SAMMSON: variants seen among roughly 807,000 people sequenced by gnomAD.
The protein encoded by SAMMSON is survival associated mitochondrial melanoma specific oncogenic non-coding RNA, also known as long intergenic non-protein coding RNA 1212.
chr3:70,166,636 G>A (rs985461224), intron 4 of SAMMSON, among the ~76,000 whole-genome samples: 1 of 151,910 alleles, frequency 6.6e-6, no homozygotes, highest in African/African-American at 2.4e-5. Context: ...ATTTAAAGAA[G>A]AGCAGAATTA....
chr3:70,050,810 C>T (rs544085889), intron 3 of SAMMSON, among the ~76,000 whole-genome samples: 1 of 151,960 alleles, frequency 6.6e-6, no homozygotes, highest in African/African-American at 2.4e-5. Flanking sequence ...GTCATGCTCA[C>T]CAGGCACAGC....
chr3:70,079,132 A>G (rs1296136192), intron 4 of SAMMSON, among the ~76,000 whole-genome samples: 2 of 152,294 alleles, frequency 1.3e-5, no homozygotes, highest in Non-Finnish European at 2.9e-5. Context: ...TTCATGCTCT[A>G]TATGCTACTG....
At chr3:70,360,904 A>G (rs939698106) in intron 9 of SAMMSON, among the ~76,000 whole-genome samples, 8 of 152,196 alleles carry the variant, frequency 5.3e-5, no homozygotes, top group African/African-American at 1.4e-4. Flanking sequence ...AAATATTAGC[A>G]GAGCATACAT....
At chr3:70,161,174 C>T (rs544065494) in intron 4 of SAMMSON, among the ~76,000 whole-genome samples, 63 of 152,046 alleles carry the variant, frequency 4.1e-4, no homozygotes, top group Middle Eastern at 3.4e-3. Flanking sequence ...ATTTCTTCTT[C>T]CTATCTAATT....
intron 3 of SAMMSON, among the ~76,000 whole-genome samples, chr3:70,067,275 T>C (rs1027233): frequency 0.51 from 77,501 of 151,958 alleles, 20,716 homozygotes; most frequent in East Asian, 0.76. Context: ...CTTTTAACTG[T>C]AAAAGTGGTT....
intron 2 of SAMMSON, among the ~76,000 whole-genome samples, chr3:70,419,708 G>A (rs568840052): frequency 2.6e-5 from 4 of 152,138 alleles, no homozygotes; most frequent in African/African-American, 7.2e-5. Context: ...GTGCAATTTC[G>A]GCTCACTGCA....
intron 3 of SAMMSON, among the ~76,000 whole-genome samples, chr3:70,025,988 A>G (rs770973354): frequency 5.3e-5 from 8 of 152,156 alleles, no homozygotes; most frequent in Non-Finnish European, 1.0e-4. Flanking sequence ...AAATCAGCAT[A>G]TAATTGGACC....
chr3:70,080,386 TTG>T (rs1248182091), intron 4 of SAMMSON, among the ~76,000 whole-genome samples: 2 of 152,232 alleles, frequency 1.3e-5, no homozygotes, highest in Non-Finnish European at 2.9e-5. Flanking sequence ...GTATAATGGA[TTG>T]TTACCTATTG....
At chr3:70,324,199 C>CT (rs1553655704) in intron 7 of SAMMSON, among the ~76,000 whole-genome samples, 35,117 of 89,396 alleles carry the variant, frequency 0.39, 4,364 homozygotes, top group Non-Finnish European at 0.41. Context: ...ATCTATCTAT[C>CT]ATCTATCTAT....
At chr3:70,424,429 A>AT (rs1185356523) in intron 2 of SAMMSON, among the ~76,000 whole-genome samples, 1 of 152,122 alleles carries the variant, frequency 6.6e-6, no homozygotes. Context: ...ATTTTTACAC[A>AT]TTTTTTCAAA....
intron 3 of SAMMSON, among the ~76,000 whole-genome samples, chr3:70,046,298 G>C (rs1559780084): frequency 6.6e-6 from 1 of 152,074 alleles, no homozygotes; most frequent in African/African-American, 2.4e-5. Flanking sequence ...AGGGAAAAGT[G>C]ATTGATGCAG....
intron 4 of SAMMSON, among the ~76,000 whole-genome samples, chr3:70,188,629 A>G (rs1029204370): frequency 6.6e-6 from 1 of 152,234 alleles, no homozygotes; most frequent in Non-Finnish European, 1.5e-5. Context: ...TGTTACGGAA[A>G]CAAATGAACT....
intron 6 of SAMMSON, among the ~76,000 whole-genome samples, chr3:70,282,984 GA>G (rs1702104179): frequency 6.6e-6 from 1 of 152,162 alleles, no homozygotes; most frequent in Admixed American, 6.5e-5. Context: ...CTCAGAATAA[GA>G]AAAAAATGGA....
intron 3 of SAMMSON, among the ~76,000 whole-genome samples, chr3:70,021,882 C>T (rs2067014624): frequency 6.6e-6 from 1 of 152,012 alleles, no homozygotes; most frequent in African/African-American, 2.4e-5. Flanking sequence ...ACCTGAGGGC[C>T]ATTTCTTTTT....
chr3:70,201,480 C>T (rs1186995629), intron 4 of SAMMSON, among the ~76,000 whole-genome samples: 1 of 152,100 alleles, frequency 6.6e-6, no homozygotes, highest in Admixed American at 6.5e-5. Context: ...CATGTCTTTG[C>T]TATTGCAAAT....
At chr3:70,256,291 A>G (rs138517891) in intron 6 of SAMMSON, among the ~76,000 whole-genome samples, 110 of 152,320 alleles carry the variant, frequency 7.2e-4, no homozygotes, top group Middle Eastern at 3.4e-3. Context: ...TCTAAGTCAG[A>G]CAGAGAGAAA....
In SAMMSON at chr3:70,218,306, C is replaced by T. The variant is rs187204336; in HGVS notation, n.508-30801C>T. The stretch of plus-strand genomic sequence containing the variant: ...ACAGTGAATATGGTAGCATGTGCCT[C>T]CATTGTGTATGCATGTGCACATGGA... On this transcript the variant is annotated intron_variant and non_coding_transcript_variant, in intron 4 of 9. Transcript: ENST00000642114. Among the ~76,000 whole-genome samples, 5 of 152,170 alleles carry T rather than the reference C, an allele frequency of 3.3e-5. No homozygotes were observed. In the East Asian group the frequency reaches 7.8e-4, roughly 24 times the overall value.
chr3:70,380,179 A>G (rs1703053805), intron 9 of SAMMSON, among the ~76,000 whole-genome samples: 1 of 152,162 alleles, frequency 6.6e-6, no homozygotes, highest in Admixed American at 6.5e-5. Context: ...AGCTGGATTT[A>G]TCCTCAGGTC....
intron 3 of SAMMSON, among the ~76,000 whole-genome samples, chr3:70,022,086 C>T (rs73836003): frequency 0.046 from 7,066 of 151,974 alleles, 369 homozygotes; most frequent in African/African-American, 0.13. Flanking sequence ...ACGAGAAGGG[C>T]CTTTTGTTTT....
Sources: allele counts gnomAD v4.1 joint callset (sites outside exome capture counted in the v4.1 genomes callset), GRCh38; gene constraint gnomAD v4.1.1; transcripts MANE v1.5; gene names NCBI Gene and HGNC (gene_info 2026-07-23, HGNC 2026-07-21).